Variants in FBN3 observed in about 807,000 individuals in gnomAD.
FBN3 encodes the protein fibrillin-3.
A neutral mutation model predicts 330.1 loss-of-function variants in FBN3; 234 were observed. That is an observed-to-expected ratio of 0.71 (90% CI 0.64 to 0.79). FBN3 has a LOEUF of 0.79. FBN3 is among the 30% of genes least tolerant of loss of function. The probability of loss-of-function intolerance (pLI) is 0.00; values close to 1 mark genes in which losing one functional copy is unlikely to be tolerated. For synonymous variants in FBN3, 1,458 were observed against 1,517.3 expected, an observed-to-expected ratio of 0.96 and a Z score of 0.91; for missense variants, 3,606 against 3,886.9, an observed-to-expected ratio of 0.93 and a Z score of 1.92.
At chr19:8,127,588 G>A (rs1057283816) in intron 18 of FBN3, among the ~76,000 whole-genome samples, 1 of 152,152 alleles carries the variant, frequency 6.6e-6, no homozygotes, top group Non-Finnish European at 1.5e-5. Context: ...GTTGCAAATC[G>A]GGGCCTCCAG....
chr19:8,136,621 C>T lies in FBN3; in HGVS notation c.1202-90G>A, dbSNP rs944382249. On this transcript the variant is annotated intron_variant, in intron 10 of 63. Coordinates refer to ENST00000600128, the MANE Select transcript of FBN3 (RefSeq NM_032447.5). ...CTTCACCTCTCTAGGCCCAGATACC[C>T]CCTCTAAGGCTGGGACCCTGCCCTG... 7.8e-6 allele frequency: 12 copies of T among 1,540,934 alleles called. No homozygotes were observed. In the African/African-American group the frequency reaches 1.5e-4, roughly 19 times the overall value.
chr19:8,081,362 G>A lies in FBN3; in HGVS notation c.7332C>T (p.Cys2444=). 1 of 1,601,016 alleles carries A rather than the reference G, an allele frequency of 6.2e-7. No individual in the cohort carries two copies. The highest frequency in any genetic ancestry group is 8.5e-7 in the Non-Finnish European group (1 of 1,173,700). ...GYLLEEDGRT[C]KDLDECTSRQ... ...GGAGAGTTGAAAGGACATCACCTTTGCAGGTCCTGCCATCCTCCTCCAGCA... is the reference window on the plus strand; with the variant it reads ...GGAGAGTTGAAAGGACATCACCTTTACAGGTCCTGCCATCCTCCTCCAGCA... The change falls in exon 58 of 64, where the codon TGC becomes TGT. Residue 2444 remains cysteine (C), a synonymous_variant. Coordinates refer to ENST00000600128, the MANE Select transcript of FBN3 (RefSeq NM_032447.5).
At chr19:8,108,915 G>A (rs551105253) in intron 36 of FBN3, among the ~76,000 whole-genome samples, 1 of 152,302 alleles carries the variant, frequency 6.6e-6, no homozygotes, top group South Asian at 2.1e-4. Context: ...TGCAGAGGCT[G>A]TGGCTCATCC....
At position 8,084,951 on chromosome 19, in the gene FBN3, A is replaced by G. The variant is rs552778007; in HGVS notation, c.7087+412T>C. 3.9e-5 allele frequency among the ~76,000 whole-genome samples: 6 copies of G among 151,994 alleles called. No homozygotes were observed. The East Asian group carries it at 7.8e-4, about 20-fold the overall frequency. ...ACCCAGGCTGGAGTGCAGTGGCACTATCTTAGCTCATTGCAGCCTCAAATT... is the reference window on the plus strand; with the variant it reads ...ACCCAGGCTGGAGTGCAGTGGCACTGTCTTAGCTCATTGCAGCCTCAAATT... On this transcript the variant is annotated intron_variant, in intron 56 of 63. Transcript: ENST00000600128.
chr19:8,143,176 C>T (rs1319011798), intron 6 of FBN3, among the ~76,000 whole-genome samples: 2 of 152,174 alleles, frequency 1.3e-5, no homozygotes, highest in Non-Finnish European at 2.9e-5. Context: ...AGGTGGCTGT[C>T]TCTGCTGGCC....
chr19:8,138,606 A>G (rs1338919330), intron 8 of FBN3, 42 bp from the exon 9 acceptor site: 1 of 1,546,504 alleles, frequency 6.5e-7, no homozygotes, highest in Non-Finnish European at 8.7e-7. Flanking sequence ...ACAGGACATC[A>G]GTGACCAGAC....
Position 8,123,599 on chromosome 19 carries a change from A to T in FBN3, c.2957-10T>A, listed in dbSNP as rs756354560. ...TTGCATTCATTCACATCTGAAGTAC[A>T]GGGGCATCAAACCACCCTGACGTCC... On this transcript the variant is annotated splice_polypyrimidine_tract_variant and intron_variant, in intron 23 of 63. Transcript: ENST00000600128. The T allele has an allele frequency of 6.2e-7, 1 of 1,613,744 alleles. No homozygotes were observed. The highest frequency in any genetic ancestry group is 1.3e-5 in the African/African-American group (1 of 74,918).
rs959118237 is a variant in FBN3, at chr19:8,065,730, T to A, written c.*189A>T. ...CTGTCTCCAGGAAAGACTGAGTAAC[T>A]GGGGGGCCCCCGGGGCTGGCACAGA... On this transcript the variant is annotated 3_prime_UTR_variant, in exon 64 of 64. Coordinates refer to ENST00000600128, the MANE Select transcript of FBN3 (RefSeq NM_032447.5). 1 of 579,606 alleles carries A rather than the reference T, an allele frequency of 1.7e-6. No homozygotes were observed. Among genetic ancestry groups the A allele is most frequent in the Non-Finnish European group, 3.0e-6 (1 of 330,316 alleles). 35.9% of individuals were successfully genotyped at this position (579,606 alleles called of 1,614,324 possible). A position where few individuals can be genotyped will look rare whatever the true frequency, so the allele number is the denominator to read the frequency against.
At chr19:8,138,015 GT>G in intron 10 of FBN3, 125 bp downstream of exon 10, 1 of 1,094,636 alleles carries the variant, frequency 9.1e-7, no homozygotes, top group Non-Finnish European at 1.3e-6. Flanking sequence ...CAGGCCAGGA[GT>G]TCCCCCTCCA....
intron 47 of FBN3, among the ~76,000 whole-genome samples, chr19:8,092,689 GAC>G (rs934610459): frequency 1.5e-5 from 2 of 133,532 alleles, no homozygotes; most frequent in Non-Finnish European, 3.1e-5. Flanking sequence ...CAGTCTGGGT[GAC>G]AGAGTGAGAC....
In FBN3 at chr19:8,126,568, C is replaced by A. The variant is rs771027670; in HGVS notation, c.2454G>T (p.Glu818Asp). ...CCTGAAGGTTCACCTCACAGCGGCT[C>A]TCCTGGATCTTCAGCCAGCAGGTGC... is the stretch of plus-strand genomic sequence containing the variant. ...TKGTCWLKIQ[E>D]SRCEVNLQGA... The change falls in exon 20 of 64, where the codon GAG becomes GAT. Residue 818 changes from glutamate to aspartate, a missense_variant. By Grantham distance (45) the Glu-to-Asp change is conservative. Transcript: ENST00000600128. 8.1e-6 allele frequency: 13 copies of A among 1,611,504 alleles called. No individual in the cohort carries two copies. Among genetic ancestry groups the A allele is most frequent in the Middle Eastern group, 3.3e-4 (2 of 6,084 alleles).
chr19:8,140,951 G>A (rs2083396344), intron 8 of FBN3, among the ~76,000 whole-genome samples: 1 of 152,066 alleles, frequency 6.6e-6, no homozygotes, highest in African/African-American at 2.4e-5. Flanking sequence ...CCAGCACTTT[G>A]GGAGGCCGAG....
chr19:8,135,936 G>GGT, intron 13 of FBN3, 25 bp downstream of exon 13: 1 of 668,778 alleles, frequency 1.5e-6, no homozygotes, highest in African/African-American at 2.0e-5. Flanking sequence ...GGAAGCCCCT[G>GGT]CCCACCCGCC....
At position 8,066,074 on chromosome 19, in the gene FBN3, TGAC is replaced by T. The variant is rs1479398334; in HGVS notation, c.8272_8274del (p.Val2758del). 6.2e-7 allele frequency: 1 copy of T among 1,613,376 alleles called. No individual in the cohort carries two copies. Among genetic ancestry groups the T allele is most frequent in the Admixed American group, 1.7e-5 (1 of 60,030 alleles). ...CGCCTCCGCCCCAGCTGCAGGGAGC[TGAC>T]GCCACGGAGGTGATGCATGCGAAAG... is the stretch of plus-strand genomic sequence containing the variant. On this transcript the variant is annotated inframe_deletion, in exon 64 of 64. Transcript: ENST00000600128.
intron 41 of FBN3, among the ~76,000 whole-genome samples, chr19:8,098,042 G>A (rs778859339): frequency 6.6e-6 from 1 of 152,230 alleles, no homozygotes; most frequent in Non-Finnish European, 1.5e-5. Flanking sequence ...TGATGAAAAT[G>A]TTTTAAACTT....
Position 8,138,544 on chromosome 19 carries a change from A to G in FBN3, c.886T>C (p.Phe296Leu), listed in dbSNP as rs2145020621. The G allele has an allele frequency of 6.2e-7, 1 of 1,611,186 alleles. No individual in the cohort carries two copies. The highest frequency in any genetic ancestry group is 8.5e-7 in the Non-Finnish European group (1 of 1,179,598). Residue 296 changes from phenylalanine to leucine, a missense_variant, in exon 9 of 64, where the codon TTC becomes CTC. Coordinates refer to ENST00000600128, the MANE Select transcript of FBN3 (RefSeq NM_032447.5). Reference sequence around the variant, plus strand: ...CAGCGGCCCCCGAAAAGCACTGAGAAGCAGGCGCCGGCCCGGTAGTCTGCA... The same window carrying G: ...CAGCGGCCCCCGAAAAGCACTGAGAGGCAGGCGCCGGCCCGGTAGTCTGCA... ...ACEDYRAGACFSVLFGGRCAG... is the reference protein window; with the variant it reads ...ACEDYRAGACLSVLFGGRCAG...
rs1219649874 is a variant in FBN3 at position 8,096,578 on chromosome 19, G to A, written c.5414-9C>T. ...CCGACACTCATTCCGTCCTGGGGGTGCAGAGAGCATGGTGTTCCCAGGGCT... is the reference window on the plus strand; with the variant it reads ...CCGACACTCATTCCGTCCTGGGGGTACAGAGAGCATGGTGTTCCCAGGGCT... On this transcript the variant is annotated splice_polypyrimidine_tract_variant and intron_variant, in intron 43 of 63. Coordinates refer to ENST00000600128, the MANE Select transcript of FBN3 (RefSeq NM_032447.5). This position sits in a 1 kb window ranked among gnomAD's most constrained non-coding sequence, Gnocchi z 4.6. The A allele has an allele frequency of 1.2e-6, 2 of 1,606,460 alleles. No homozygotes were observed. The highest frequency in any genetic ancestry group is 2.2e-5 in the South Asian group (2 of 90,356).
In FBN3 at chr19:8,109,960, C is replaced by T. The variant is rs2082539509; in HGVS notation, c.4334-207G>A. Among the ~76,000 whole-genome samples, 1 of 152,234 alleles carries T rather than the reference C, an allele frequency of 6.6e-6. No homozygotes were observed. The highest frequency in any genetic ancestry group is 2.4e-5 in the African/African-American group (1 of 41,456). On this transcript the variant is annotated intron_variant, in intron 34 of 63. Transcript: ENST00000600128. The surrounding 1 kb of genome is among the most constrained non-coding windows in gnomAD (Gnocchi z 5.2). ...GTCCCCTCCAACCCCATTCCCTCTC[C>T]TGCTCTGTTCTGCCTGGCAGAGTTT...
In FBN3 at chr19:8,148,994, C is replaced by T. The variant is rs558555916; in HGVS notation, c.-18+455G>A. The T allele has an allele frequency of 1.4e-3, 208 of 152,390 alleles. 1 individual carries two copies. In the Middle Eastern group the frequency reaches 0.017, roughly 12 times the overall value. 9.4% of individuals were successfully genotyped at this position (152,390 alleles called of 1,614,324 possible). ...GTCTCTGGCCTGATTTGCCTCGGTCCCCCCTACACACCGCTGCTTCTGCGA... is the reference window on the plus strand; with the variant it reads ...GTCTCTGGCCTGATTTGCCTCGGTCTCCCCTACACACCGCTGCTTCTGCGA... On this transcript the variant is annotated intron_variant, in intron 1 of 63. Coordinates refer to ENST00000600128, the MANE Select transcript of FBN3 (RefSeq NM_032447.5).
Sources: allele counts gnomAD v4.1 joint callset (sites outside exome capture counted in the v4.1 genomes callset), GRCh38; gene constraint gnomAD v4.1.1; non-coding constraint Gnocchi (gnomAD v3.1); transcripts MANE v1.5; gene names NCBI Gene and HGNC (gene_info 2026-07-23, HGNC 2026-07-21).